The following CNTN4 variants were observed in gnomAD, a reference collection of about 807,000 sequenced individuals.
The protein encoded by CNTN4 is contactin 4, also known as contactin-4.
In CNTN4, 77 loss-of-function variants were observed where a neutral mutation model predicts 122.5. The ratio of observed to expected loss-of-function variants is 0.63; its 90% CI spans 0.52 to 0.76. The LOEUF (loss-of-function observed/expected upper bound fraction) is 0.76, where lower values mean the gene tolerates loss of function less well. CNTN4 is among the 30% of genes least tolerant of loss of function. The pLI is 0.00. For missense variants in CNTN4, 1,256 were observed against 1,259.1 expected, an observed-to-expected ratio of 1.00 and a Z score of 0.04; for synonymous variants, 512 against 447.0, an observed-to-expected ratio of 1.15 and a Z score of -1.83.
chr3:2,262,164 A>G (rs767786313), intron 2 of CNTN4, among the ~76,000 whole-genome samples: 3 of 152,150 alleles, frequency 2.0e-5, no homozygotes, highest in Admixed American at 6.6e-5. Context: ...CTCACACTAT[A>G]TAAAGTAACG....
At chr3:2,494,329 A>G (rs991182644) in intron 3 of CNTN4, among the ~76,000 whole-genome samples, 2 of 152,184 alleles carry the variant, frequency 1.3e-5, no homozygotes, top group Non-Finnish European at 2.9e-5. Flanking sequence ...TTGTCCAGAA[A>G]GGTGGTAGAA....
chr3:2,507,898 C>A (rs1401428532), intron 3 of CNTN4, among the ~76,000 whole-genome samples: 2 of 151,968 alleles, frequency 1.3e-5, no homozygotes, highest in Non-Finnish European at 2.9e-5. Context: ...CACACACACC[C>A]CCTCAAATTT....
intron 13 of CNTN4, among the ~76,000 whole-genome samples, chr3:2,986,419 C>T (rs1263393281): frequency 1.3e-5 from 2 of 152,190 alleles, no homozygotes. Context: ...ACCCACAGCT[C>T]TGGAATGTGA....
At chr3:3,040,666 C>T (rs1055367510) in intron 20 of CNTN4, among the ~76,000 whole-genome samples, 4 of 152,166 alleles carry the variant, frequency 2.6e-5, no homozygotes, top group Non-Finnish European at 4.4e-5. Context: ...GTGGCTCACA[C>T]CTGTAATCCC....
At chr3:2,272,992 G>T (rs1247743336) in intron 2 of CNTN4, among the ~76,000 whole-genome samples, 1 of 152,176 alleles carries the variant, frequency 6.6e-6, no homozygotes, top group African/African-American at 2.4e-5. Flanking sequence ...GTAGGCATGG[G>T]AATTATCTTC....
intron 3 of CNTN4, among the ~76,000 whole-genome samples, chr3:2,386,076 T>C (rs1015777714): frequency 9.2e-5 from 14 of 152,096 alleles, no homozygotes; most frequent in African/African-American, 3.4e-4. Context: ...TATTTGTTCA[T>C]ATATCTATGA....
chr3:2,364,471 T>G (rs1352773542), intron 3 of CNTN4, among the ~76,000 whole-genome samples: 2 of 152,108 alleles, frequency 1.3e-5, no homozygotes, highest in African/African-American at 4.8e-5. Context: ...TTGGAAGTGT[T>G]GACAATAGAA....
intron 23 of CNTN4, among the ~76,000 whole-genome samples, chr3:3,051,961 G>A (rs957472226): frequency 6.6e-6 from 1 of 152,108 alleles, no homozygotes; most frequent in African/African-American, 2.4e-5. Flanking sequence ...CATTAGCTGG[G>A]AACTTGTCAG....
chr3:3,009,583 G>GCA (rs902876354), intron 14 of CNTN4, among the ~76,000 whole-genome samples: 2 of 86,018 alleles, frequency 2.3e-5, no homozygotes, highest in African/African-American at 8.4e-5. Flanking sequence ...ACAGGCGCCC[G>GCA]CCACCACGCC....
At chr3:3,005,988 C>T (rs1337815191) in intron 14 of CNTN4, among the ~76,000 whole-genome samples, 4 of 151,566 alleles carry the variant, frequency 2.6e-5, no homozygotes, top group African/African-American at 9.7e-5. Flanking sequence ...CAGGTTCACG[C>T]CATTCTCGTG....
chr3:2,469,460 A>G (rs957368020), intron 3 of CNTN4, among the ~76,000 whole-genome samples: 15 of 152,206 alleles, frequency 9.9e-5, no homozygotes, highest in Admixed American at 8.5e-4. Context: ...TTTAATCTAT[A>G]TACAGTTTTA....
intron 7 of CNTN4, among the ~76,000 whole-genome samples, chr3:2,828,023 A>G (rs1027339163): frequency 1.3e-5 from 2 of 152,164 alleles, no homozygotes; most frequent in Admixed American, 6.5e-5. Context: ...TTTTCTGGTC[A>G]TATTGGGAAC....
chr3:2,390,394 CTAGT>C (rs1390499270), intron 3 of CNTN4, among the ~76,000 whole-genome samples: 1 of 151,910 alleles, frequency 6.6e-6, no homozygotes, highest in Admixed American at 6.6e-5. Flanking sequence ...AAAGATGCAC[CTAGT>C]TAAAGTTTCT....
At chr3:2,851,456 C>A (rs1295750743) in intron 7 of CNTN4, among the ~76,000 whole-genome samples, 5 of 152,190 alleles carry the variant, frequency 3.3e-5, no homozygotes. Context: ...ATTAAAACTC[C>A]TTTTTCCTCT....
chr3:2,964,111 C>T (rs1001435503), intron 13 of CNTN4, among the ~76,000 whole-genome samples: 49 of 152,254 alleles, frequency 3.2e-4, no homozygotes, highest in African/African-American at 1.1e-3. Flanking sequence ...TTTGAGCATT[C>T]ATAGGGACAT....
chr3:2,409,360 G>C (rs1411664356), intron 3 of CNTN4, among the ~76,000 whole-genome samples: 2 of 150,200 alleles, frequency 1.3e-5, no homozygotes, highest in Non-Finnish European at 2.9e-5. Context: ...CCATTCTCCT[G>C]CCTCAGCCTC....
At chr3:2,129,089 A>G (rs1015255428) in intron 2 of CNTN4, among the ~76,000 whole-genome samples, 1 of 152,188 alleles carries the variant, frequency 6.6e-6, no homozygotes, top group African/African-American at 2.4e-5. Flanking sequence ...AACACGTTAA[A>G]GGCCAAATCA....
intron 4 of CNTN4, among the ~76,000 whole-genome samples, chr3:2,715,001 C>A (rs1226019129): frequency 1.3e-5 from 2 of 152,178 alleles, no homozygotes; most frequent in African/African-American, 4.8e-5. Flanking sequence ...AGATCTTTAT[C>A]AACTCCAATT....
At chr3:2,808,839 A>G (rs892939482) in intron 6 of CNTN4, among the ~76,000 whole-genome samples, 1 of 152,238 alleles carries the variant, frequency 6.6e-6, no homozygotes, top group African/African-American at 2.4e-5. Context: ...TTATTCTCCA[A>G]AGCTTCCCTG....
Sources: allele counts gnomAD v4.1 joint callset (sites outside exome capture counted in the v4.1 genomes callset), GRCh38; gene constraint gnomAD v4.1.1; transcripts MANE v1.5; gene names NCBI Gene and HGNC (gene_info 2026-07-23, HGNC 2026-07-21).